The following GRID1 variants were observed in gnomAD, a reference collection of about 807,000 sequenced individuals.
GRID1 encodes glutamate receptor ionotropic, delta-1.
In GRID1, 28 loss-of-function variants were observed where a neutral mutation model predicts 98.0. The observed-to-expected ratio is 0.29, with a 90% CI of 0.21 to 0.39. GRID1 has a LOEUF of 0.39. Among genes scored for constraint, GRID1 ranks in the 10% least tolerant of loss-of-function variants. GRID1 has a pLI of 1.00. For synonymous variants in GRID1, 553 were observed against 538.5 expected, an observed-to-expected ratio of 1.03 and a Z score of -0.37; for missense variants, 1,111 against 1,340.5, an observed-to-expected ratio of 0.83 and a Z score of 2.67.
At chr10:86,334,256 A>G (rs1412552445) in intron 2 of GRID1, among the ~76,000 whole-genome samples, 1 of 152,206 alleles carries the variant, frequency 6.6e-6, no homozygotes, top group Non-Finnish European at 1.5e-5. Context: ...GTGAGAGTAT[A>G]TAATTAAAAT....
chr10:85,675,007 T>C (rs1373631455), intron 12 of GRID1, among the ~76,000 whole-genome samples: 1 of 152,208 alleles, frequency 6.6e-6, no homozygotes, highest in Non-Finnish European at 1.5e-5. Context: ...CAGTGCACTA[T>C]CAATAGCTTC....
At chr10:86,030,580 C>T (rs148285881) in intron 4 of GRID1, among the ~76,000 whole-genome samples, 1,547 of 152,204 alleles carry the variant, frequency 0.01, 10 homozygotes, top group Admixed American at 0.024. Flanking sequence ...CAGGAGGAGC[C>T]CTAGCTGCTA....
At chr10:86,294,866 G>C (rs7477858) in intron 2 of GRID1, among the ~76,000 whole-genome samples, 2 of 152,182 alleles carry the variant, frequency 1.3e-5, no homozygotes, top group Admixed American at 6.5e-5. Flanking sequence ...TTTTGAGGTC[G>C]GGAGATGAGA....
intron 2 of GRID1, among the ~76,000 whole-genome samples, chr10:86,239,903 A>G (rs141888753): frequency 2.6e-5 from 4 of 152,328 alleles, no homozygotes; most frequent in African/African-American, 9.6e-5. Context: ...AGAAGTGATT[A>G]AATTAAAACG....
At chr10:85,635,590 T>C (rs1843029661) in intron 13 of GRID1, among the ~76,000 whole-genome samples, 1 of 152,220 alleles carries the variant, frequency 6.6e-6, no homozygotes, top group East Asian at 1.9e-4. Context: ...GCTTTATCCA[T>C]GCCTACCTCT....
chr10:85,839,345 C>T (rs549375394), intron 8 of GRID1, among the ~76,000 whole-genome samples: 1 of 152,326 alleles, frequency 6.6e-6, no homozygotes, highest in East Asian at 1.9e-4. Context: ...AACATCTTCT[C>T]ATTGCCACAT....
intron 4 of GRID1, among the ~76,000 whole-genome samples, chr10:85,978,937 G>C (rs967516549): frequency 1.3e-5 from 2 of 152,156 alleles, no homozygotes; most frequent in Non-Finnish European, 2.9e-5. Context: ...GAAAGCATAA[G>C]TGTCTTGCCC....
chr10:86,277,195 A>C (rs1429164356), intron 2 of GRID1, among the ~76,000 whole-genome samples: 2 of 152,242 alleles, frequency 1.3e-5, no homozygotes, highest in African/African-American at 4.8e-5. Flanking sequence ...CAATACACTT[A>C]AAAATAGTTT....
chr10:85,961,046 G>C (rs979218835), intron 4 of GRID1, among the ~76,000 whole-genome samples: 14 of 152,042 alleles, frequency 9.2e-5, no homozygotes, highest in African/African-American at 3.4e-4. Context: ...GGGCTCCAGG[G>C]CCAGTCTCAG....
At chr10:86,032,131 G>A (rs887616193) in intron 4 of GRID1, among the ~76,000 whole-genome samples, 1 of 152,240 alleles carries the variant, frequency 6.6e-6, no homozygotes, top group African/African-American at 2.4e-5. Flanking sequence ...AGGGGGCTTA[G>A]TCTGGCTTGT....
intron 8 of GRID1, among the ~76,000 whole-genome samples, chr10:85,820,977 C>T (rs1466194487): frequency 6.6e-6 from 1 of 152,056 alleles, no homozygotes; most frequent in Non-Finnish European, 1.5e-5. Context: ...ATGCTTGTAT[C>T]AGCTTTATTA....
intron 4 of GRID1, among the ~76,000 whole-genome samples, chr10:86,060,257 G>A (rs1019192749): frequency 1.3e-5 from 2 of 152,186 alleles, no homozygotes; most frequent in Non-Finnish European, 2.9e-5. Flanking sequence ...GAGTTTTTAT[G>A]TTCAACTACA....
At chr10:85,821,063 T>C (rs1842765206) in intron 8 of GRID1, among the ~76,000 whole-genome samples, 1 of 152,066 alleles carries the variant, frequency 6.6e-6, no homozygotes. Context: ...TTTTCCCATA[T>C]AATGAAATTA....
At chr10:85,936,524 A>AAC (rs1470889591) in intron 4 of GRID1, among the ~76,000 whole-genome samples, 1 of 151,882 alleles carries the variant, frequency 6.6e-6, no homozygotes. Flanking sequence ...AAACTAAAAA[A>AAC]AAAAAAGAAA....
At chr10:85,843,408 A>C (rs1173072559) in intron 8 of GRID1, among the ~76,000 whole-genome samples, 1 of 152,134 alleles carries the variant, frequency 6.6e-6, no homozygotes, top group Non-Finnish European at 1.5e-5. Flanking sequence ...CACCAAAATC[A>C]TGATATATAA....
chr10:85,788,433 C>CA (rs1355228392), intron 8 of GRID1, among the ~76,000 whole-genome samples: 1 of 152,164 alleles, frequency 6.6e-6, no homozygotes, highest in African/African-American at 2.4e-5. Context: ...GTGGGGTCCC[C>CA]ATTAAAGCAG....
At chr10:86,155,170 C>T (rs1317210635) in intron 3 of GRID1, among the ~76,000 whole-genome samples, 1 of 152,232 alleles carries the variant, frequency 6.6e-6, no homozygotes, top group Non-Finnish European at 1.5e-5. Flanking sequence ...TGCCCTCTGC[C>T]CAGGCCAGCA....
At chr10:86,290,495 AT>A (rs1447603543) in intron 2 of GRID1, among the ~76,000 whole-genome samples, 1 of 152,126 alleles carries the variant, frequency 6.6e-6, no homozygotes, top group Non-Finnish European at 1.5e-5. Flanking sequence ...AAAAATAAAA[AT>A]AAAAAAATTA....
At chr10:86,103,837 C>G (rs1171773626) in intron 4 of GRID1, among the ~76,000 whole-genome samples, 1 of 152,180 alleles carries the variant, frequency 6.6e-6, no homozygotes, top group Non-Finnish European at 1.5e-5. Context: ...TCATTACTAA[C>G]CACTGTTGGG....
Sources: allele counts gnomAD v4.1 joint callset (sites outside exome capture counted in the v4.1 genomes callset), GRCh38; gene constraint gnomAD v4.1.1; transcripts MANE v1.5; gene names NCBI Gene and HGNC (gene_info 2026-07-23, HGNC 2026-07-21).